BMPER: variants seen among roughly 807,000 people sequenced by gnomAD.
BMPER encodes the protein BMP binding endothelial regulator.
Under a neutral mutation model 87.3 loss-of-function variants are expected in BMPER, and 45 were observed. The ratio of observed to expected loss-of-function variants is 0.52; its 90% CI spans 0.41 to 0.66. The LOEUF is 0.66. Among genes scored for constraint, BMPER ranks in the 30% least tolerant of loss-of-function variants. The pLI, the probability that BMPER is intolerant of heterozygous loss-of-function variation, is 0.00. For synonymous variants in BMPER, 326 were observed against 316.2 expected, an observed-to-expected ratio of 1.03 and a Z score of -0.33; for missense variants, 784 against 867.5, an observed-to-expected ratio of 0.90 and a Z score of 1.21.
At chr7:33,989,469 T>C (rs1786130940) in intron 6 of BMPER, among the ~76,000 whole-genome samples, 2 of 152,226 alleles carry the variant, frequency 1.3e-5, no homozygotes, top group South Asian at 4.1e-4. Context: ...GGTTGTTTGT[T>C]TTTTCTTGTA....
chr7:33,949,336 C>T (rs144484836), intron 3 of BMPER, among the ~76,000 whole-genome samples: 1 of 152,236 alleles, frequency 6.6e-6, no homozygotes, highest in East Asian at 1.9e-4. Flanking sequence ...AGTTTCCCTC[C>T]CACTCTTAAC....
intron 13 of BMPER, among the ~76,000 whole-genome samples, chr7:34,092,594 T>C (rs1789417694): frequency 6.6e-6 from 1 of 152,200 alleles, no homozygotes. Context: ...CAGGCTGGAC[T>C]CAAAGCTTTA....
intron 3 of BMPER, among the ~76,000 whole-genome samples, chr7:33,956,046 A>T (rs1562651852): frequency 6.6e-6 from 1 of 152,192 alleles, no homozygotes; most frequent in African/African-American, 2.4e-5. Context: ...CCACAAAAAA[A>T]AAAACACCTC....
chr7:33,910,450 T>C (rs1217666625), intron 2 of BMPER, among the ~76,000 whole-genome samples: 1 of 152,228 alleles, frequency 6.6e-6, no homozygotes, highest in Non-Finnish European at 1.5e-5. Flanking sequence ...AGTGTGGTGC[T>C]TGATCTTCTC....
intron 12 of BMPER, among the ~76,000 whole-genome samples, chr7:34,084,350 A>T (rs1427261993): frequency 1.3e-5 from 2 of 152,182 alleles, no homozygotes; most frequent in Non-Finnish European, 2.9e-5. Context: ...GGCAGAGACC[A>T]TTCTGTTAAA....
At chr7:34,016,379 C>T (rs146224899) in intron 6 of BMPER, among the ~76,000 whole-genome samples, 4 of 152,028 alleles carry the variant, frequency 2.6e-5, no homozygotes, top group Admixed American at 2.0e-4. Context: ...TTCAAATCTA[C>T]CTGTGTAATG....
At chr7:33,938,305 A>T (rs896580580) in intron 3 of BMPER, among the ~76,000 whole-genome samples, 3 of 152,142 alleles carry the variant, frequency 2.0e-5, no homozygotes, top group Non-Finnish European at 4.4e-5. Flanking sequence ...CCCAAATTTC[A>T]CATCTACTTG....
At chr7:33,945,243 CTTTTTTTTTTT>C (rs376447828) in intron 3 of BMPER, among the ~76,000 whole-genome samples, 13 of 81,770 alleles carry the variant, frequency 1.6e-4, no homozygotes, top group Admixed American at 1.1e-3. Context: ...GCCTGGACTT[CTTTTTTTTTTT>C]TTTTTTTTTT....
intron 7 of BMPER, among the ~76,000 whole-genome samples, chr7:34,050,104 T>C (rs1483330326): frequency 6.6e-6 from 1 of 152,172 alleles, no homozygotes; most frequent in African/African-American, 2.4e-5. Context: ...AATCCTTTAA[T>C]TTAGTATGTC....
chr7:33,965,818 TCTGGCCTTTGA>T (rs1334110189), intron 3 of BMPER, among the ~76,000 whole-genome samples: 3 of 152,186 alleles, frequency 2.0e-5, no homozygotes, highest in African/African-American at 7.2e-5. Flanking sequence ...TTTGAAGATC[TCTGGCCTTTGA>T]CTTCTGTTTT....
At chr7:34,056,611 A>G (rs539379627) in intron 9 of BMPER, among the ~76,000 whole-genome samples, 3 of 147,000 alleles carry the variant, frequency 2.0e-5, no homozygotes, top group Non-Finnish European at 1.5e-5. Flanking sequence ...GCTGTGTGCA[A>G]TGCACTTTTT....
At chr7:34,102,369 A>G (rs938680294) in intron 13 of BMPER, among the ~76,000 whole-genome samples, 1 of 152,202 alleles carries the variant, frequency 6.6e-6, no homozygotes, top group Admixed American at 6.5e-5. Flanking sequence ...GAGTTGCTCC[A>G]TTTAGACCTG....
intron 13 of BMPER, among the ~76,000 whole-genome samples, chr7:34,140,104 G>C (rs1304866202): frequency 5.9e-5 from 9 of 152,246 alleles, no homozygotes; most frequent in Non-Finnish European, 4.4e-5. Context: ...TTCTGGATCT[G>C]TGATCAGCCC....
chr7:34,041,224 G>A (rs1245398890), intron 6 of BMPER, among the ~76,000 whole-genome samples: 1 of 152,148 alleles, frequency 6.6e-6, no homozygotes, highest in South Asian at 2.1e-4. Context: ...AGGCTTAGAG[G>A]CTCATTCTCT....
intron 3 of BMPER, among the ~76,000 whole-genome samples, chr7:33,946,799 A>C (rs1380724237): frequency 6.6e-6 from 1 of 152,260 alleles, no homozygotes; most frequent in African/African-American, 2.4e-5. Context: ...CTCATAGTTC[A>C]GACGTATTCT....
At chr7:34,086,642 T>A (rs1009260098) in intron 13 of BMPER, among the ~76,000 whole-genome samples, 2 of 151,998 alleles carry the variant, frequency 1.3e-5, no homozygotes, top group Non-Finnish European at 2.9e-5. Context: ...ACGTCTAGAG[T>A]CAGATGACAG....
intron 13 of BMPER, among the ~76,000 whole-genome samples, chr7:34,123,553 G>A (rs116517437): frequency 8.8e-4 from 134 of 152,282 alleles, no homozygotes; most frequent in African/African-American, 3.2e-3. Context: ...ATTCTAAAGT[G>A]CAATCAGGAG....
intron 2 of BMPER, among the ~76,000 whole-genome samples, chr7:33,927,243 C>T (rs1784381743): frequency 6.6e-6 from 1 of 152,196 alleles, no homozygotes; most frequent in South Asian, 2.1e-4. Context: ...TGTGAAAAAT[C>T]TTCTGTTTCA....
intron 5 of BMPER, 79 bp from the exon 6 acceptor site, chr7:33,974,623 G>A: frequency 7.1e-7 from 1 of 1,403,804 alleles, no homozygotes. Context: ...GGCAACGGAT[G>A]AACTGTGGAT....
Sources: allele counts gnomAD v4.1 joint callset (sites outside exome capture counted in the v4.1 genomes callset), GRCh38; gene constraint gnomAD v4.1.1; transcripts MANE v1.5; gene names NCBI Gene and HGNC (gene_info 2026-07-23, HGNC 2026-07-21).